The following COG5 variants were observed in gnomAD, a reference collection of about 807,000 sequenced individuals.
The protein encoded by COG5 is conserved oligomeric Golgi complex subunit 5.
Under a neutral mutation model 110.4 loss-of-function variants are expected in COG5, and 86 were observed. The ratio of observed to expected loss-of-function variants is 0.78; its 90% CI spans 0.65 to 0.93. The LOEUF (loss-of-function observed/expected upper bound fraction) is 0.93, where lower values mean the gene tolerates loss of function less well. COG5 is among the 40% of genes least tolerant of loss of function. The probability of loss-of-function intolerance (pLI) is 0.00; values close to 1 mark genes in which losing one functional copy is unlikely to be tolerated. For missense variants in COG5, 1,077 were observed against 987.0 expected, an observed-to-expected ratio of 1.09 and a Z score of -1.22; for synonymous variants, 360 against 334.6, an observed-to-expected ratio of 1.08 and a Z score of -0.83.
chr7:107,243,382 G>C (rs1176263039), intron 17 of COG5, among the ~76,000 whole-genome samples: 1 of 151,752 alleles, frequency 6.6e-6, no homozygotes, highest in Non-Finnish European at 1.5e-5. Context: ...GTGCGGTGGC[G>C]GGTGCCTGTA....
intron 6 of COG5, among the ~76,000 whole-genome samples, chr7:107,468,720 G>A (rs774901950): frequency 2.0e-5 from 3 of 151,960 alleles, no homozygotes; most frequent in East Asian, 1.9e-4. Flanking sequence ...AAATGCATAC[G>A]GCTTTTCAAA....
chr7:107,231,198 T>A (rs1800753157), intron 18 of COG5, among the ~76,000 whole-genome samples: 1 of 152,176 alleles, frequency 6.6e-6, no homozygotes, highest in Admixed American at 6.5e-5. Context: ...CCTCTTTAAG[T>A]CTCAGGTCTC....
chr7:107,469,264 T>C (rs575068770), intron 6 of COG5, among the ~76,000 whole-genome samples: 93 of 151,946 alleles, frequency 6.1e-4, no homozygotes, highest in African/African-American at 2.2e-3. Flanking sequence ...AGGTCAAAAA[T>C]AGAATAAGCC....
At chr7:107,445,196 G>A (rs1358875646) in intron 6 of COG5, among the ~76,000 whole-genome samples, 1 of 151,836 alleles carries the variant, frequency 6.6e-6, no homozygotes. Context: ...GCAAGACCCT[G>A]TCTCAAAAAA....
intron 11 of COG5, among the ~76,000 whole-genome samples, chr7:107,315,243 A>C (rs1406667893): frequency 6.6e-6 from 1 of 151,384 alleles, no homozygotes; most frequent in African/African-American, 2.4e-5. Flanking sequence ...CTTTATCACT[A>C]TATGTTTTAA....
intron 11 of COG5, among the ~76,000 whole-genome samples, chr7:107,302,076 T>C (rs1222299930): frequency 2.0e-5 from 3 of 152,192 alleles, no homozygotes; most frequent in Non-Finnish European, 4.4e-5. Flanking sequence ...ATATAAGGAA[T>C]TGTACCTGAA....
chr7:107,334,558 T>A (rs138283437), intron 10 of COG5, among the ~76,000 whole-genome samples: 80 of 151,654 alleles, frequency 5.3e-4, no homozygotes, highest in Admixed American at 1.9e-3. Flanking sequence ...CAGTACTATA[T>A]AAAGGAGCGC....
At chr7:107,327,533 C>T (rs911232892) in intron 10 of COG5, among the ~76,000 whole-genome samples, 7 of 152,170 alleles carry the variant, frequency 4.6e-5, no homozygotes, top group East Asian at 3.9e-4. Flanking sequence ...AAAACATTTG[C>T]TAACCATATA....
At chr7:107,314,253 G>A (rs1808530634) in intron 11 of COG5, among the ~76,000 whole-genome samples, 1 of 152,034 alleles carries the variant, frequency 6.6e-6, no homozygotes, top group African/African-American at 2.4e-5. Context: ...TTGTTGAGAG[G>A]GGCTGGTAGA....
intron 6 of COG5, among the ~76,000 whole-genome samples, chr7:107,493,661 T>C (rs1218501763): frequency 3.9e-5 from 6 of 152,182 alleles, no homozygotes; most frequent in Non-Finnish European, 8.8e-5. Context: ...CAGGCTTAGA[T>C]GATATCTTCT....
chr7:107,549,293 CTA>C (rs1802704494), intron 3 of COG5: 1 of 152,250 alleles, frequency 6.6e-6, no homozygotes, highest in Non-Finnish European at 1.5e-5. Context: ...CACCAGAAAT[CTA>C]TGAGTTGCCG....
chr7:107,498,318 G>A (rs1437389573), intron 6 of COG5, among the ~76,000 whole-genome samples: 1 of 152,138 alleles, frequency 6.6e-6, no homozygotes, highest in Non-Finnish European at 1.5e-5. Context: ...CACAGCAAAG[G>A]AAACAAGACA....
At chr7:107,294,974 T>TACACAC (rs1806534799) in intron 12 of COG5, among the ~76,000 whole-genome samples, 1 of 133,574 alleles carries the variant, frequency 7.5e-6, no homozygotes, top group African/African-American at 2.8e-5. Flanking sequence ...CACATATATA[T>TACACAC]ATACACATAT....
intron 7 of COG5, among the ~76,000 whole-genome samples, chr7:107,373,693 T>C (rs1370574823): frequency 2.6e-5 from 4 of 152,124 alleles, no homozygotes; most frequent in African/African-American, 9.7e-5. Context: ...AAATGGGTTG[T>C]TGGATTTGTG....
At chr7:107,249,294 G>C (rs943767584) in intron 16 of COG5, among the ~76,000 whole-genome samples, 4 of 151,980 alleles carry the variant, frequency 2.6e-5, no homozygotes, top group Non-Finnish European at 5.9e-5. Flanking sequence ...TGTGTTACTA[G>C]CATCTAGTAG....
At position 107,248,424 on chromosome 7, in the gene COG5, T is replaced by C. The variant is rs1802214520; in HGVS notation, c.1825A>G (p.Ile609Val). Residue 609 changes from isoleucine (I) to valine (V), a missense_variant, in exon 17 of 22, where the codon ATC becomes GTC. Transcript: ENST00000297135. ...GAAAAGTCTTCTTGATGCATGGTGA[T>C]GATTATGGCCTCTATAGCATCTCCC... ...SVGDAIEAII[I>V]TMHQEDFSGS... 1 of 1,611,740 alleles carries C rather than the reference T, an allele frequency of 6.2e-7. No individual in the cohort carries two copies. The highest frequency in any genetic ancestry group is 1.1e-5 in the South Asian group (1 of 91,012).
At chr7:107,207,782 A>C (rs974164018) in intron 21 of COG5, 2 of 985,330 alleles carry the variant, frequency 2.0e-6, no homozygotes, top group Non-Finnish European at 2.4e-6. Context: ...TTTTCAAATG[A>C]ACTTGACTAG....
intron 11 of COG5, among the ~76,000 whole-genome samples, chr7:107,323,809 CTT>C (rs1190130084): frequency 6.6e-6 from 1 of 152,112 alleles, no homozygotes; most frequent in Non-Finnish European, 1.5e-5. Flanking sequence ...GAAATGAACT[CTT>C]AACACTTTTT....
intron 10 of COG5, among the ~76,000 whole-genome samples, chr7:107,357,621 CT>C (rs1812745925): frequency 6.6e-6 from 1 of 151,948 alleles, no homozygotes; most frequent in South Asian, 2.1e-4. Context: ...CCTAACAATC[CT>C]TTTTAATCAG....
Sources: allele counts gnomAD v4.1 joint callset (sites outside exome capture counted in the v4.1 genomes callset), GRCh38; gene constraint gnomAD v4.1.1; transcripts MANE v1.5; gene names NCBI Gene and HGNC (gene_info 2026-07-23, HGNC 2026-07-21).